Variants in CDH12 observed in about 807,000 individuals in gnomAD.
The protein encoded by CDH12 is cadherin 12, also known as cadherin-12.
Under a neutral mutation model 74.1 loss-of-function variants are expected in CDH12, and 41 were observed. That is an observed-to-expected ratio of 0.55 (90% CI 0.43 to 0.72). The LOEUF is 0.72. CDH12 is among the 30% of genes least tolerant of loss of function. CDH12 has a pLI of 0.00. For synonymous variants in CDH12, 399 were observed against 355.0 expected, an observed-to-expected ratio of 1.12 and a Z score of -1.39; for missense variants, 945 against 977.2, an observed-to-expected ratio of 0.97 and a Z score of 0.44.
chr5:22,562,863 T>A (rs1580767844), intron 1 of CDH12, among the ~76,000 whole-genome samples: 1 of 148,842 alleles, frequency 6.7e-6, no homozygotes. Flanking sequence ...TTATAGTCTA[T>A]ATATTTTTAT....
At chr5:22,130,563 G>T (rs1435162585) in intron 4 of CDH12, among the ~76,000 whole-genome samples, 1 of 152,028 alleles carries the variant, frequency 6.6e-6, no homozygotes, top group Non-Finnish European at 1.5e-5. Flanking sequence ...AATGTAAAAA[G>T]GGAATGAGAG....
chr5:21,813,185 A>G (rs532056146), intron 9 of CDH12, among the ~76,000 whole-genome samples: 67 of 152,236 alleles, frequency 4.4e-4, no homozygotes, highest in African/African-American at 1.5e-3. Context: ...TGGGTCTACA[A>G]GGGTAAGGCG....
At chr5:21,895,727 G>C (rs1218950765) in intron 6 of CDH12, among the ~76,000 whole-genome samples, 2 of 152,118 alleles carry the variant, frequency 1.3e-5, no homozygotes, top group East Asian at 3.9e-4. Flanking sequence ...TACCATTCTG[G>C]AGAGAATCTA....
chr5:22,851,648 T>C (rs1246682064), intron 1 of CDH12, among the ~76,000 whole-genome samples: 1 of 152,174 alleles, frequency 6.6e-6, no homozygotes, highest in East Asian at 1.9e-4. Context: ...GGGAAGCCCC[T>C]GTTTTGCATG....
chr5:22,590,009 C>T (rs1242323080), intron 1 of CDH12, among the ~76,000 whole-genome samples: 1 of 152,116 alleles, frequency 6.6e-6, no homozygotes, highest in Non-Finnish European at 1.5e-5. Flanking sequence ...CTATGTAAGA[C>T]GTCGATATAT....
At chr5:22,454,136 TG>T (rs1745174022) in intron 2 of CDH12, among the ~76,000 whole-genome samples, 1 of 152,122 alleles carries the variant, frequency 6.6e-6, no homozygotes. Context: ...TTACTGTCCA[TG>T]GGGAAGGGGG....
At chr5:21,944,102 A>G (rs1176659229) in intron 6 of CDH12, among the ~76,000 whole-genome samples, 3 of 152,232 alleles carry the variant, frequency 2.0e-5, no homozygotes, top group African/African-American at 7.2e-5. Context: ...AACTAATACA[A>G]ACTTGTCCTC....
intron 1 of CDH12, among the ~76,000 whole-genome samples, chr5:22,619,412 T>G (rs1737858038): frequency 6.6e-6 from 1 of 152,138 alleles, no homozygotes; most frequent in Admixed American, 6.6e-5. Flanking sequence ...AAACACTGAC[T>G]AGAGTCCTGA....
At chr5:22,411,639 A>T (rs1013635900) in intron 2 of CDH12, among the ~76,000 whole-genome samples, 6 of 152,038 alleles carry the variant, frequency 3.9e-5, no homozygotes, top group African/African-American at 1.4e-4. Context: ...AACGAAATTG[A>T]TTGAATTATA....
chr5:21,946,618 T>A (rs181656306), intron 6 of CDH12, among the ~76,000 whole-genome samples: 5 of 152,226 alleles, frequency 3.3e-5, no homozygotes, highest in African/African-American at 4.8e-5. Context: ...CAAAATCATG[T>A]ACAATCATGC....
At chr5:22,125,766 C>T (rs1183156106) in intron 4 of CDH12, among the ~76,000 whole-genome samples, 2 of 152,180 alleles carry the variant, frequency 1.3e-5, no homozygotes. Flanking sequence ...CCTGTCTCCA[C>T]CCTCAGTTTA....
intron 3 of CDH12, among the ~76,000 whole-genome samples, chr5:22,275,093 C>T (rs900465670): frequency 6.6e-6 from 1 of 151,954 alleles, no homozygotes; most frequent in African/African-American, 2.4e-5. Context: ...GAAAAGGACA[C>T]AGAGAGGGGA....
intron 5 of CDH12, among the ~76,000 whole-genome samples, chr5:22,045,777 C>T (rs550868722): frequency 6.6e-6 from 1 of 152,166 alleles, no homozygotes; most frequent in African/African-American, 2.4e-5. Context: ...AAAGTAGTTA[C>T]CATCGGCTGA....
chr5:22,764,453 CAAAT>C (rs1307257648), intron 1 of CDH12, among the ~76,000 whole-genome samples: 1 of 151,720 alleles, frequency 6.6e-6, no homozygotes, highest in African/African-American at 2.4e-5. Flanking sequence ...AATAAAGAAA[CAAAT>C]AACTAAATAA....
intron 4 of CDH12, among the ~76,000 whole-genome samples, chr5:22,125,861 T>C (rs1745826365): frequency 6.6e-6 from 1 of 152,136 alleles, no homozygotes; most frequent in Admixed American, 6.5e-5. Context: ...CTGTATTGAC[T>C]CCCTCGCTTT....
chr5:22,720,273 G>A (rs1422681448), intron 1 of CDH12, among the ~76,000 whole-genome samples: 1 of 152,098 alleles, frequency 6.6e-6, no homozygotes, highest in African/African-American at 2.4e-5. Flanking sequence ...CACAATATCC[G>A]ATGGTTTTTT....
chr5:21,811,094 T>G (rs954840247), intron 9 of CDH12, among the ~76,000 whole-genome samples: 1 of 152,028 alleles, frequency 6.6e-6, no homozygotes, highest in African/African-American at 2.4e-5. Context: ...AAAAGAAAAA[T>G]TCTGCTTTGG....
At chr5:22,604,834 T>C (rs1737018658) in intron 1 of CDH12, among the ~76,000 whole-genome samples, 1 of 152,094 alleles carries the variant, frequency 6.6e-6, no homozygotes. Flanking sequence ...AAGAGAGATA[T>C]GCCAGCAATG....
intron 1 of CDH12, among the ~76,000 whole-genome samples, chr5:22,741,648 G>T (rs1376827961): frequency 6.6e-6 from 1 of 152,152 alleles, no homozygotes. Context: ...GCAGATGGAA[G>T]AGTAATATTC....
Sources: allele counts gnomAD v4.1 joint callset (sites outside exome capture counted in the v4.1 genomes callset), GRCh38; gene constraint gnomAD v4.1.1; transcripts MANE v1.5; gene names NCBI Gene and HGNC (gene_info 2026-07-23, HGNC 2026-07-21).